The following PHACTR1 variants were observed in gnomAD, a reference collection of about 807,000 sequenced individuals.
PHACTR1 encodes RPEL repeat containing 1.
PHACTR1 carries 16 observed loss-of-function variants against 69.2 expected under a neutral mutation model. The observed-to-expected ratio is 0.23, with a 90% CI of 0.16 to 0.35. The LOEUF (loss-of-function observed/expected upper bound fraction) is 0.35, where lower values mean the gene tolerates loss of function less well. Ranked by LOEUF, PHACTR1 falls within the 10% of genes least tolerant of loss-of-function variation. The pLI, the probability that PHACTR1 is intolerant of heterozygous loss-of-function variation, is 1.00. For synonymous variants in PHACTR1, 312 were observed against 284.5 expected, an observed-to-expected ratio of 1.10 and a Z score of -0.97; for missense variants, 510 against 734.7, an observed-to-expected ratio of 0.69 and a Z score of 3.54.
At chr6:13,233,689 G>A (rs1163250412) in intron 10 of PHACTR1, among the ~76,000 whole-genome samples, 1 of 152,192 alleles carries the variant, frequency 6.6e-6, no homozygotes, top group African/African-American at 2.4e-5. Context: ...ACCTGGTCCT[G>A]CCCTTGACAC....
chr6:13,209,828 G>T (rs924677367), intron 8 of PHACTR1, among the ~76,000 whole-genome samples: 1 of 152,138 alleles, frequency 6.6e-6, no homozygotes, highest in Non-Finnish European at 1.5e-5. Flanking sequence ...ACTGAAATTT[G>T]TATCTGCCCC....
At chr6:13,149,260 G>A (rs9296614) in intron 5 of PHACTR1, among the ~76,000 whole-genome samples, 70,886 of 151,990 alleles carry the variant, frequency 0.47, 18,619 homozygotes, top group East Asian at 0.65. Context: ...ATTGTCCAAC[G>A]AACTGGGGAG....
intron 5 of PHACTR1, among the ~76,000 whole-genome samples, chr6:13,123,603 G>A (rs369246286): frequency 7.7e-4 from 117 of 152,326 alleles, no homozygotes; most frequent in African/African-American, 2.5e-3. Context: ...CATTCTTGCC[G>A]ATTTGAGGGT....
chr6:13,094,274 A>C (rs1267481405), intron 5 of PHACTR1, among the ~76,000 whole-genome samples: 1 of 147,984 alleles, frequency 6.8e-6, no homozygotes, highest in South Asian at 2.1e-4. Flanking sequence ...CTGTGGTTCT[A>C]TTATTTTTTA....
intron 4 of PHACTR1, chr6:12,957,679 G>A (rs1792072462): frequency 2.0e-6 from 2 of 985,594 alleles, no homozygotes; most frequent in East Asian, 1.1e-4. Context: ...AGAGACCATC[G>A]TGGAGGCGGT....
intron 6 of PHACTR1, among the ~76,000 whole-genome samples, chr6:13,169,563 G>A (rs1339171321): frequency 6.6e-6 from 1 of 152,078 alleles, no homozygotes; most frequent in Non-Finnish European, 1.5e-5. Context: ...CTAAGAAGTG[G>A]TCAAAAAATA....
At chr6:13,131,998 G>A (rs528946980) in intron 5 of PHACTR1, among the ~76,000 whole-genome samples, 39 of 152,220 alleles carry the variant, frequency 2.6e-4, no homozygotes, top group African/African-American at 9.4e-4. Context: ...ACCACTGTAA[G>A]TAAAACAGTG....
intron 4 of PHACTR1, among the ~76,000 whole-genome samples, chr6:12,981,341 T>C (rs1488975727): frequency 6.6e-6 from 1 of 152,254 alleles, no homozygotes; most frequent in African/African-American, 2.4e-5. Context: ...ATTGGAACTG[T>C]CCAGCCAAAT....
chr6:12,788,948 G>A (rs1771886375), intron 4 of PHACTR1, among the ~76,000 whole-genome samples: 1 of 152,204 alleles, frequency 6.6e-6, no homozygotes, highest in African/African-American at 2.4e-5. Flanking sequence ...AGCTGAAGTA[G>A]AGAGAGTATT....
At chr6:13,232,037 C>T (rs1350437345) in intron 10 of PHACTR1, among the ~76,000 whole-genome samples, 2 of 152,232 alleles carry the variant, frequency 1.3e-5, no homozygotes, top group African/African-American at 2.4e-5. Flanking sequence ...GATTCTCCCT[C>T]TTACTAGGTG....
intron 5 of PHACTR1, among the ~76,000 whole-genome samples, chr6:13,124,451 G>A (rs955429036): frequency 6.6e-6 from 1 of 152,206 alleles, no homozygotes; most frequent in Non-Finnish European, 1.5e-5. Context: ...CCAATGAACA[G>A]GCTCACATGA....
At chr6:13,124,022 G>C (rs1254807035) in intron 5 of PHACTR1, among the ~76,000 whole-genome samples, 2 of 152,196 alleles carry the variant, frequency 1.3e-5, no homozygotes, top group East Asian at 3.8e-4. Flanking sequence ...GTCCTCCCAT[G>C]TGCAGATGAT....
At chr6:13,159,013 C>T (rs1286976954) in intron 5 of PHACTR1, among the ~76,000 whole-genome samples, 1 of 152,204 alleles carries the variant, frequency 6.6e-6, no homozygotes, top group African/African-American at 2.4e-5. Flanking sequence ...CTGGAATAGC[C>T]TTCTTTCCTC....
At chr6:13,242,145 C>A (rs1228354938) in intron 10 of PHACTR1, among the ~76,000 whole-genome samples, 1 of 152,096 alleles carries the variant, frequency 6.6e-6, no homozygotes, top group African/African-American at 2.4e-5. Flanking sequence ...GGAGTTAAGC[C>A]TAATGTGGAT....
intron 4 of PHACTR1, among the ~76,000 whole-genome samples, chr6:12,940,777 A>G (rs996492656): frequency 6.6e-6 from 1 of 152,170 alleles, no homozygotes; most frequent in African/African-American, 2.4e-5. Flanking sequence ...TCAGCCTCCC[A>G]TTAGTGGGAC....
intron 9 of PHACTR1, among the ~76,000 whole-genome samples, chr6:13,228,608 G>A (rs1323307895): frequency 6.6e-6 from 1 of 152,192 alleles, no homozygotes; most frequent in Non-Finnish European, 1.5e-5. Flanking sequence ...AGTTACGTGA[G>A]TACAGCCTGA....
intron 4 of PHACTR1, among the ~76,000 whole-genome samples, chr6:13,011,063 A>G (rs1196756977): frequency 1.3e-5 from 2 of 152,236 alleles, no homozygotes; most frequent in East Asian, 3.9e-4. Context: ...TGTTGTAACA[A>G]TAAGAGATGG....
intron 4 of PHACTR1, among the ~76,000 whole-genome samples, chr6:13,027,293 T>C (rs142415628): frequency 1.8e-4 from 27 of 152,336 alleles, no homozygotes; most frequent in African/African-American, 5.5e-4. Context: ...TTATTGCTTG[T>C]GAGAAAATAA....
At chr6:13,002,391 A>G (rs1798197141) in intron 4 of PHACTR1, among the ~76,000 whole-genome samples, 1 of 152,096 alleles carries the variant, frequency 6.6e-6, no homozygotes, top group Non-Finnish European at 1.5e-5. Flanking sequence ...AGTACTCTGC[A>G]TGGAATTACC....
Sources: gnomAD v4.1 joint callset for allele counts (sites outside exome capture counted in the v4.1 genomes callset) on GRCh38, gnomAD v4.1.1 for gene constraint, MANE v1.5 for transcripts, NCBI Gene and HGNC (gene_info 2026-07-23, HGNC 2026-07-21) for gene names.